The following RAB5A variants were observed in gnomAD, a reference collection of about 807,000 sequenced individuals.
RAB5A encodes ras-related protein Rab-5A.
In RAB5A, 8 loss-of-function variants were observed where a neutral mutation model predicts 25.7. That is an observed-to-expected ratio of 0.31 (90% CI 0.18 to 0.56). The LOEUF (loss-of-function observed/expected upper bound fraction) is 0.56, where lower values mean the gene tolerates loss of function less well. RAB5A is among the 20% of genes least tolerant of loss of function. RAB5A has a pLI of 0.91. For synonymous variants in RAB5A, 98 were observed against 89.8 expected, an observed-to-expected ratio of 1.09 and a Z score of -0.52; for missense variants, 192 against 259.7, an observed-to-expected ratio of 0.74 and a Z score of 1.79.
chr3:19,978,315 A>C lies in RAB5A; in HGVS notation c.444A>C (p.Ala148=). ...ANKRAVDFQE[A]QSYADDNSLL... is the part of the protein sequence containing the mutation. ...ATTTTTTGTTCTGTAAACAGGAAGC[A>C]CAGTCCTATGCAGATGACAATAGTT... The change falls in exon 5 of 6, where the codon GCA becomes GCC. Residue 148 remains alanine, a synonymous_variant. Transcript: ENST00000273047. 1.2e-6 allele frequency: 2 copies of C among 1,605,882 alleles called. No homozygotes were observed. The highest frequency in any genetic ancestry group is 1.7e-6 in the Non-Finnish European group (2 of 1,173,152).
intron 2 of RAB5A, among the ~76,000 whole-genome samples, chr3:19,972,885 C>G (rs903014345): frequency 6.6e-6 from 1 of 152,146 alleles, no homozygotes; most frequent in Non-Finnish European, 1.5e-5. Context: ...GGCAACATCT[C>G]TAATACAGTT....
chr3:19,975,804 T>C, intron 3 of RAB5A, 52 bp downstream of exon 3: 6 of 1,518,038 alleles, frequency 4.0e-6, no homozygotes, highest in Non-Finnish European at 5.3e-6. Context: ...CCACTTTTGG[T>C]GTTCAGAATT....
chr3:19,973,196 C>G (rs2125190146), intron 2 of RAB5A, among the ~76,000 whole-genome samples: 1 of 152,198 alleles, frequency 6.6e-6, no homozygotes, highest in East Asian at 1.9e-4. Context: ...GATTCTAGAA[C>G]CAGTCCTTCA....
In RAB5A at chr3:19,950,828, G is replaced by T. The variant is rs1438257230; in HGVS notation, c.-71G>T. The T allele has an allele frequency of 4.8e-6, 7 of 1,460,498 alleles. No homozygotes were observed. The highest frequency in any genetic ancestry group is 2.5e-4 in the Middle Eastern group (1 of 3,944). 90.5% of individuals were successfully genotyped at this position (1,460,498 alleles called of 1,614,324 possible). On this transcript the variant is annotated 5_prime_UTR_variant, in exon 2 of 6. Transcript: ENST00000273047. ...CAGGTTTCTTTACCTCCAGAAAGAA[G>T]AATATTGGCCCCTTGAATTCTGGAA...
At chr3:19,957,274 G>A (rs757926970) in intron 2 of RAB5A, among the ~76,000 whole-genome samples, 1 of 151,956 alleles carries the variant, frequency 6.6e-6, no homozygotes, top group Non-Finnish European at 1.5e-5. Flanking sequence ...AAATTACAGG[G>A]CTAAAGTACT....
intron 5 of RAB5A, among the ~76,000 whole-genome samples, chr3:19,980,719 A>G (rs918789591): frequency 6.6e-6 from 1 of 152,170 alleles, no homozygotes; most frequent in Non-Finnish European, 1.5e-5. Flanking sequence ...CCAGTGTTCA[A>G]CATTTCTGGG....
chr3:19,978,359 C>T lies in RAB5A; in HGVS notation c.488C>T (p.Ser163Phe). Residue 163 changes from serine to phenylalanine, a missense_variant, in exon 5 of 6, where the codon TCC (serine) becomes TTC (phenylalanine). Ser to Phe is a radical substitution (Grantham distance 155, BLOSUM62 -2). Coordinates refer to ENST00000273047, the MANE Select transcript of RAB5A (RefSeq NM_004162.5). The part of the protein sequence containing the change: ...DDNSLLFMET[S>F]AKTSMNVNEI... ...AATAGTTTATTATTCATGGAGACAT[C>T]CGCTAAAACATCAATGAATGTAAAT... 1 of 1,610,280 alleles carries T rather than the reference C, an allele frequency of 6.2e-7. No individual in the cohort carries two copies. The highest frequency in any genetic ancestry group is 8.5e-7 in the Non-Finnish European group (1 of 1,176,954).
At chr3:19,955,911 T>A (rs894487800) in intron 2 of RAB5A, among the ~76,000 whole-genome samples, 1 of 151,974 alleles carries the variant, frequency 6.6e-6, no homozygotes, top group African/African-American at 2.4e-5. Flanking sequence ...AAAAAATTGT[T>A]CATGCAACTA....
At chr3:19,959,818 G>T (rs113084123) in intron 2 of RAB5A, among the ~76,000 whole-genome samples, 2 of 151,964 alleles carry the variant, frequency 1.3e-5, no homozygotes, top group African/African-American at 4.8e-5. Flanking sequence ...TAGAGGCGAC[G>T]TCTTGCTGTG....
chr3:19,973,370 C>T (rs548217875), intron 2 of RAB5A, among the ~76,000 whole-genome samples: 101 of 140,202 alleles, frequency 7.2e-4, no homozygotes, highest in Middle Eastern at 3.7e-3. Flanking sequence ...AGTCTGTGCA[C>T]ATTTTAATTC....
chr3:19,971,783 T>G (rs1696756191), intron 2 of RAB5A, among the ~76,000 whole-genome samples: 1 of 152,118 alleles, frequency 6.6e-6, no homozygotes, highest in Non-Finnish European at 1.5e-5. Flanking sequence ...CCCAGTACAG[T>G]GTTATCAGGT....
At position 19,950,920 on chromosome 3, in the gene RAB5A, A is replaced by G. The variant is rs1279277845; in HGVS notation, c.22A>G (p.Arg8Gly). The stretch of plus-strand genomic sequence containing the variant: ...GGACATGGCTAGTCGAGGCGCAACA[A>G]GACCCAACGGGCCAAATACGGGAAA... MASRGAT[R>G]PNGPNTGNKI... The change falls in exon 2 of 6, where the codon AGA becomes GGA. Residue 8 changes from arginine (R) to glycine (G), a missense_variant. Physicochemically the swap from Arg to Gly is moderately radical, Grantham distance 125 (BLOSUM62 -2). Transcript: ENST00000273047. The G allele has an allele frequency of 1.9e-6, 3 of 1,613,066 alleles. No individual in the cohort carries two copies. Among genetic ancestry groups the G allele is most frequent in the Non-Finnish European group, 2.5e-6 (3 of 1,179,608 alleles).
intron 5 of RAB5A, chr3:19,978,717 A>C (rs1696865808): frequency 5.3e-6 from 1 of 188,418 alleles, no homozygotes. Flanking sequence ...AGATTTTGCA[A>C]AGGTTTCGCT....
intron 2 of RAB5A, among the ~76,000 whole-genome samples, chr3:19,972,442 A>T (rs186097881): frequency 2.0e-5 from 3 of 152,328 alleles, no homozygotes; most frequent in Admixed American, 2.0e-4. Context: ...GGGAGCACAG[A>T]TGTAGGAGAT....
intron 2 of RAB5A, among the ~76,000 whole-genome samples, chr3:19,965,634 A>C (rs1019582710): frequency 3.9e-5 from 6 of 152,192 alleles, no homozygotes. Flanking sequence ...TCTTGACTTC[A>C]TGCAGGATCT....
chr3:19,952,911 A>G (rs553343336), intron 2 of RAB5A, among the ~76,000 whole-genome samples: 5 of 152,256 alleles, frequency 3.3e-5, no homozygotes, highest in South Asian at 2.1e-4. Context: ...TCTAGTAGGA[A>G]AAGTTTAAAG....
chr3:19,976,074 G>GT lies in RAB5A; in HGVS notation c.345dup (p.Lys116Ter). On this transcript the variant is annotated frameshift_variant, in exon 4 of 6. Transcript: ENST00000273047. LOFTEE classifies it high-confidence loss of function. ...GTCCTTTGCAAGAGCAAAAAATTGG[G>GT]TTAAAGAACTTCAGAGGCAAGCAAG... 6.2e-7 allele frequency: 1 copy of GT among 1,612,548 alleles called. No homozygotes were observed. The highest frequency in any genetic ancestry group is 8.5e-7 in the Non-Finnish European group (1 of 1,179,490).
chr3:19,967,436 C>T (rs1696677274), intron 2 of RAB5A, among the ~76,000 whole-genome samples: 1 of 152,122 alleles, frequency 6.6e-6, no homozygotes, highest in Non-Finnish European at 1.5e-5. Context: ...TGAGCCATTG[C>T]GCTCGGCCCT....
At chr3:19,977,937 T>C (rs1387723057) in intron 4 of RAB5A, among the ~76,000 whole-genome samples, 8 of 152,216 alleles carry the variant, frequency 5.3e-5, no homozygotes, top group Non-Finnish European at 1.2e-4. Flanking sequence ...TTGGTTTCCC[T>C]TTGTCTTCAT....
Sources: allele counts gnomAD v4.1 joint callset (sites outside exome capture counted in the v4.1 genomes callset), GRCh38; gene constraint gnomAD v4.1.1; transcripts MANE v1.5; gene names NCBI Gene and HGNC (gene_info 2026-07-23, HGNC 2026-07-21).